The following DDX50 variants were observed in gnomAD, a reference collection of about 807,000 sequenced individuals.
DDX50 encodes ATP-dependent RNA helicase DDX50.
Under a neutral mutation model 94.8 loss-of-function variants are expected in DDX50, and 56 were observed. The observed-to-expected ratio is 0.59, with a 90% CI of 0.48 to 0.74. The LOEUF (loss-of-function observed/expected upper bound fraction) is 0.74. Among genes scored for constraint, DDX50 ranks in the 30% least tolerant of loss-of-function variants. The probability of loss-of-function intolerance (pLI) is 0.00; values close to 1 mark genes in which losing one functional copy is unlikely to be tolerated. For synonymous variants in DDX50, 264 were observed against 295.4 expected (o/e 0.89, Z 1.09); for missense variants, 713 against 881.2 (o/e 0.81, Z 2.42).
chr10:68,935,910 G>T (rs1177875446), intron 10 of DDX50, 96 bp from the exon 11 acceptor site: 31 of 829,206 alleles, frequency 3.7e-5, no homozygotes, highest in Non-Finnish European at 4.7e-5. Context: ...ATCTTTAAAT[G>T]CAAGAAATAG....
At chr10:68,920,080 C>A in intron 8 of DDX50, 99 bp downstream of exon 8, 2 of 1,450,424 alleles carry the variant, frequency 1.4e-6, no homozygotes, top group Non-Finnish European at 1.9e-6. Flanking sequence ...GATAGTCATT[C>A]TCAAAACTGA....
At chr10:68,912,690 A>G (rs1364983630) in intron 4 of DDX50, among the ~76,000 whole-genome samples, 1 of 152,204 alleles carries the variant, frequency 6.6e-6, no homozygotes, top group Non-Finnish European at 1.5e-5. Context: ...AAATTAGATA[A>G]TTCCTGTAAA....
intron 2 of DDX50, 43 bp from the exon 3 acceptor site, chr10:68,910,264 A>G: frequency 7.0e-7 from 1 of 1,420,186 alleles, no homozygotes; most frequent in Non-Finnish European, 9.7e-7. Context: ...AATGAGGAAG[A>G]GTTGAGTATA....
At position 68,944,289 on chromosome 10, in the gene DDX50, CCT is replaced by C. The variant is rs574656759; in HGVS notation, c.1935+1041_1935+1042del. Among the ~76,000 whole-genome samples the C allele has an allele frequency of 3.2e-4, 48 of 152,040 alleles. No individual in the cohort carries two copies. The East Asian group carries it at 8.9e-3, about 28-fold the overall frequency. ...TTTAATCTATAGGTTCTTCCTCCTC[CCT>C]CTCTCTCTTTTAAAAAAGTATTCCT... On this transcript the variant is annotated intron_variant, in intron 14 of 14. Coordinates refer to ENST00000373585, the MANE Select transcript of DDX50 (RefSeq NM_024045.2).
At chr10:68,907,786 C>G (rs569855245) in intron 2 of DDX50, among the ~76,000 whole-genome samples, 2 of 150,354 alleles carry the variant, frequency 1.3e-5, no homozygotes, top group African/African-American at 4.9e-5. Flanking sequence ...GTTTGTTGAT[C>G]TAAATAAGGT....
At chr10:68,924,824 C>G (rs1589260814) in intron 8 of DDX50, among the ~76,000 whole-genome samples, 1 of 152,194 alleles carries the variant, frequency 6.6e-6, no homozygotes, top group African/African-American at 2.4e-5. Context: ...GGAAAGTGAG[C>G]ATTGGCTGTT....
At chr10:68,907,305 CTTTTCTT>C (rs1157957974) in intron 2 of DDX50, among the ~76,000 whole-genome samples, 1 of 133,504 alleles carries the variant, frequency 7.5e-6, no homozygotes, top group African/African-American at 2.7e-5. Context: ...ACTTGAATTT[CTTTTCTT>C]TTTTCTTTTT....
intron 2 of DDX50, 110 bp downstream of exon 2, chr10:68,907,117 A>G (rs1454125146): frequency 2.8e-6 from 3 of 1,086,836 alleles, no homozygotes; most frequent in African/African-American, 1.6e-5. Flanking sequence ...ATTAGTGTCT[A>G]GTATTCTTAG....
rs1385921053 is a variant in DDX50, at chr10:68,934,538, T to C, written c.1401+178T>C. Among the ~76,000 whole-genome samples the C allele has an allele frequency of 3.3e-5, 5 of 152,196 alleles. No individual in the cohort carries two copies. Among genetic ancestry groups the C allele is most frequent in the African/African-American group, 1.2e-4 (5 of 41,440 alleles). On this transcript the variant is annotated intron_variant, in intron 9 of 14. Coordinates refer to ENST00000373585, the MANE Select transcript of DDX50 (RefSeq NM_024045.2). This position sits in a 1 kb window ranked among gnomAD's most constrained non-coding sequence, Gnocchi z 4.0. ...ATACTTTTGCAGATGATTAACTCTA[T>C]TGTTTGTATTTGAAGCATGGAGCAA...
intron 7 of DDX50, among the ~76,000 whole-genome samples, chr10:68,915,274 A>G (rs947862449): frequency 1.3e-5 from 2 of 148,674 alleles, no homozygotes; most frequent in African/African-American, 2.5e-5. Flanking sequence ...TTAGCCGGTC[A>G]TGGTGGCGGG....
At chr10:68,941,013 C>T (rs371053266) in intron 12 of DDX50, 47 bp from the exon 13 acceptor site, 483 of 1,581,312 alleles carry the variant, frequency 3.1e-4, no homozygotes, top group Non-Finnish European at 3.8e-4. Flanking sequence ...TTTCATTGTA[C>T]TGCTGCTGAT....
At chr10:68,923,042 G>C (rs1841982811) in intron 8 of DDX50, among the ~76,000 whole-genome samples, 1 of 144,180 alleles carries the variant, frequency 6.9e-6, no homozygotes, top group Non-Finnish European at 1.5e-5. Context: ...GCCCGCCTTG[G>C]CCTCCCAAAG....
At chr10:68,926,324 G>GT (rs1281416495) in intron 8 of DDX50, among the ~76,000 whole-genome samples, 1 of 151,260 alleles carries the variant, frequency 6.6e-6, no homozygotes, top group Non-Finnish European at 1.5e-5. Context: ...TGCAGAAGCT[G>GT]TTTTTTAATC....
At chr10:68,910,728 C>G (rs904733961) in intron 3 of DDX50, among the ~76,000 whole-genome samples, 4 of 152,132 alleles carry the variant, frequency 2.6e-5, no homozygotes, top group African/African-American at 9.7e-5. Flanking sequence ...AATGGATATG[C>G]AATTAAAAAT....
chr10:68,916,448 C>CA (rs987197652), intron 7 of DDX50, among the ~76,000 whole-genome samples: 1 of 149,996 alleles, frequency 6.7e-6, no homozygotes, highest in Admixed American at 6.6e-5. Context: ...TAGTAAAAAA[C>CA]AGTTGATAAG....
At chr10:68,906,651 T>A in intron 1 of DDX50, 60 bp from the exon 2 acceptor site, 1 of 1,567,386 alleles carries the variant, frequency 6.4e-7, no homozygotes, top group Admixed American at 2.1e-5. Context: ...CTCTAACTTC[T>A]CTAGAGTCTT....
intron 8 of DDX50, among the ~76,000 whole-genome samples, chr10:68,931,518 G>A (rs934979543): frequency 2.0e-5 from 3 of 149,444 alleles, no homozygotes; most frequent in African/African-American, 7.4e-5. Flanking sequence ...TCGGGTCACT[G>A]CAACCTCTGC....
chr10:68,934,477 T>G lies in DDX50; in HGVS notation c.1401+117T>G. 1 of 1,372,728 alleles carries G rather than the reference T, an allele frequency of 7.3e-7. No homozygotes were observed. Among genetic ancestry groups the G allele is most frequent in the Non-Finnish European group, 1.0e-6 (1 of 1,003,406 alleles). The allele number at this position is 1,372,728 out of a possible 1,614,324, so 85.0% of individuals were successfully genotyped here. A position where few individuals can be genotyped will look rare whatever the true frequency, so the allele number is the denominator to read the frequency against. On this transcript the variant is annotated intron_variant, in intron 9 of 14. Transcript: ENST00000373585. The surrounding 1 kb of genome is among the most constrained non-coding windows in gnomAD (Gnocchi z 4.0). ...GTCATCTCTTCTTGCTCTTAGCCATTTTTTGTTAGTGTGCTATTAAATTTA... is the reference window on the plus strand; with the variant it reads ...GTCATCTCTTCTTGCTCTTAGCCATGTTTTGTTAGTGTGCTATTAAATTTA...
At chr10:68,901,536 C>A in intron 1 of DDX50, 65 bp downstream of exon 1, 3 of 1,498,020 alleles carry the variant, frequency 2.0e-6, no homozygotes, top group Non-Finnish European at 2.7e-6. Context: ...GGGGAACTGT[C>A]TGTCCCTGAT....
Sources: allele counts gnomAD v4.1 joint callset (sites outside exome capture counted in the v4.1 genomes callset), GRCh38; gene constraint gnomAD v4.1.1; non-coding constraint Gnocchi (gnomAD v3.1); transcripts MANE v1.5; gene names NCBI Gene and HGNC (gene_info 2026-07-23, HGNC 2026-07-21).